GPHN: variants seen among roughly 807,000 people sequenced by gnomAD.
The protein encoded by GPHN is gephyrin.
GPHN carries 17 observed loss-of-function variants against 95.5 expected under a neutral mutation model. The observed-to-expected ratio is 0.18, with a 90% CI of 0.12 to 0.27. The LOEUF (loss-of-function observed/expected upper bound fraction) is 0.27. Ranked by LOEUF, GPHN falls within the 10% of genes least tolerant of loss-of-function variation. GPHN has a pLI of 1.00. For missense variants in GPHN, 660 were observed against 978.1 expected, an observed-to-expected ratio of 0.67 and a Z score of 4.34; for synonymous variants, 320 against 322.5, an observed-to-expected ratio of 0.99 and a Z score of 0.08.
At chr14:66,632,681 C>T (rs538804808) in intron 1 of GPHN, among the ~76,000 whole-genome samples, 4 of 151,760 alleles carry the variant, frequency 2.6e-5, no homozygotes, top group Admixed American at 6.6e-5. Flanking sequence ...TTAGTAGAGA[C>T]GGGGTTTCAC....
At chr14:66,840,298 A>C (rs1377852460) in intron 4 of GPHN, among the ~76,000 whole-genome samples, 1 of 152,038 alleles carries the variant, frequency 6.6e-6, no homozygotes, top group South Asian at 2.1e-4. Flanking sequence ...AAATAAAACT[A>C]ATAATAATAT....
chr14:66,591,654 G>T (rs551446365), intron 1 of GPHN, among the ~76,000 whole-genome samples: 1 of 152,266 alleles, frequency 6.6e-6, no homozygotes, highest in African/African-American at 2.4e-5. Context: ...GGAAATAAGA[G>T]AGGACACAAA....
chr14:67,637,252 C>G, the GPHN span, among the ~76,000 whole-genome samples: 1 of 151,314 alleles, frequency 6.6e-6, no homozygotes, highest in East Asian at 1.9e-4. Context: ...TCTACTAAAA[C>G]TACAAAAATT....
At chr14:67,636,869 A>G in the GPHN span, among the ~76,000 whole-genome samples, 1 of 152,218 alleles carries the variant, frequency 6.6e-6, no homozygotes, top group East Asian at 1.9e-4. Flanking sequence ...TTGTCCTACA[A>G]TGTCCTCTTA....
At chr14:67,281,654 T>A in the GPHN span, among the ~76,000 whole-genome samples, 4 of 152,208 alleles carry the variant, frequency 2.6e-5, no homozygotes, top group African/African-American at 9.6e-5. Flanking sequence ...TTACTTAGAA[T>A]CAGGTGTAAG....
rs956399348 is a variant in GPHN at position 66,800,415 on chromosome 14, A to G, written c.201+23894A>G. Among the ~76,000 whole-genome samples the G allele has an allele frequency of 3.9e-5, 6 of 152,232 alleles. No homozygotes were observed. The South Asian group carries it at 8.3e-4, about 21-fold the overall frequency. The stretch of plus-strand genomic sequence containing the variant: ...AAAATCCCTCAGCTTTTGTTGGGAA[A>G]GTCTTTATTTCTTGTTCATGTTTGA... On this transcript the variant is annotated intron_variant, in intron 3 of 22. Transcript: ENST00000478722.
the GPHN span, among the ~76,000 whole-genome samples, chr14:67,606,510 C>T: frequency 2.6e-5 from 4 of 152,228 alleles, no homozygotes; most frequent in African/African-American, 9.6e-5. Flanking sequence ...GACCATAACA[C>T]CCTCAGCTCA....
intron 1 of GPHN, among the ~76,000 whole-genome samples, chr14:66,644,031 G>C (rs1252018570): frequency 6.6e-6 from 1 of 151,814 alleles, no homozygotes; most frequent in South Asian, 2.1e-4. Context: ...TTAATTATTT[G>C]GGGGCTTTAC....
chr14:66,627,193 C>G (rs548037678), intron 1 of GPHN, among the ~76,000 whole-genome samples: 1 of 151,936 alleles, frequency 6.6e-6, no homozygotes, highest in South Asian at 2.1e-4. Context: ...AATCTCTTAC[C>G]TATACCATTC....
chr14:67,135,069 C>T (rs1256804602), intron 17 of GPHN, among the ~76,000 whole-genome samples: 2 of 148,398 alleles, frequency 1.3e-5, no homozygotes, highest in African/African-American at 5.0e-5. Flanking sequence ...AAGTGATCCT[C>T]CTGCCTCAGT....
At chr14:67,282,303 T>C in the GPHN span, among the ~76,000 whole-genome samples, 1 of 152,176 alleles carries the variant, frequency 6.6e-6, no homozygotes, top group Non-Finnish European at 1.5e-5. Flanking sequence ...AATACCCATA[T>C]GACAGGAGAC....
At chr14:67,430,730 GC>G in the GPHN span, among the ~76,000 whole-genome samples, 1 of 152,106 alleles carries the variant, frequency 6.6e-6, no homozygotes, top group Non-Finnish European at 1.5e-5. Flanking sequence ...TTGATGAAAG[GC>G]CCAGAGACCT....
chr14:66,951,204 G>A (rs138021945), intron 8 of GPHN, among the ~76,000 whole-genome samples: 173 of 152,136 alleles, frequency 1.1e-3, no homozygotes, highest in Middle Eastern at 0.01. Flanking sequence ...GTTTTTAAGT[G>A]GTGTGCGTGT....
the GPHN span, chr14:67,583,743 A>G: frequency 6.2e-7 from 1 of 1,610,564 alleles, no homozygotes; most frequent in Non-Finnish European, 8.5e-7. Flanking sequence ...TACCACAGGT[A>G]GAATATGGGG....
intron 14 of GPHN, among the ~76,000 whole-genome samples, chr14:67,111,086 G>A (rs934582788): frequency 3.9e-5 from 6 of 152,184 alleles, no homozygotes; most frequent in Admixed American, 6.5e-5. Context: ...CTCCCAAGCC[G>A]AGTAGATAGT....
At chr14:66,949,350 G>A (rs186855528) in intron 8 of GPHN, among the ~76,000 whole-genome samples, 1 of 152,088 alleles carries the variant, frequency 6.6e-6, no homozygotes, top group Non-Finnish European at 1.5e-5. Context: ...TGCCTGCCTT[G>A]ACCTCCCAAA....
At chr14:67,068,312 G>A (rs888286007) in intron 11 of GPHN, among the ~76,000 whole-genome samples, 2 of 152,094 alleles carry the variant, frequency 1.3e-5, no homozygotes, top group African/African-American at 4.8e-5. Context: ...TATTTTCTCT[G>A]GTCTGTCTTT....
chr14:67,076,713 G>A (rs187097808), intron 11 of GPHN, among the ~76,000 whole-genome samples: 64 of 152,250 alleles, frequency 4.2e-4, no homozygotes, highest in African/African-American at 1.3e-3. Context: ...CATCAATGCC[G>A]TTACAATGGG....
the GPHN span, among the ~76,000 whole-genome samples, chr14:67,671,872 C>T: frequency 6.6e-6 from 1 of 152,206 alleles, no homozygotes; most frequent in Admixed American, 6.5e-5. Flanking sequence ...AACCAAGCCA[C>T]TCTCAGGATA....
Sources: allele counts gnomAD v4.1 joint callset (sites outside exome capture counted in the v4.1 genomes callset), GRCh38; gene constraint gnomAD v4.1.1; transcripts MANE v1.5; gene names NCBI Gene and HGNC (gene_info 2026-07-23, HGNC 2026-07-21).